The following CCDC88A variants were observed in gnomAD, a reference collection of about 807,000 sequenced individuals.
CCDC88A encodes the protein coiled-coil and HOOK domain protein 88A.
In CCDC88A, 54 loss-of-function variants were observed where a neutral mutation model predicts 234.3. That is an observed-to-expected ratio of 0.23 (90% confidence interval 0.19 to 0.29). The LOEUF (loss-of-function observed/expected upper bound fraction) is 0.29. CCDC88A is among the 10% of genes least tolerant of loss of function. The pLI is 1.00. For missense variants in CCDC88A, 1,832 were observed against 2,123.4 expected (o/e 0.86, Z 2.70); for synonymous variants, 753 against 737.8 (o/e 1.02, Z -0.33).
chr2:55,308,780 TA>T lies in CCDC88A; in HGVS notation c.4387+28del, dbSNP rs754525184. 2.6e-6 allele frequency: 4 copies of T among 1,531,244 alleles called. No homozygotes were observed. The African/African-American group carries it at 5.5e-5, about 21-fold the overall frequency. 94.9% of individuals were successfully genotyped at this position (1,531,244 alleles called of 1,614,324 possible). ...ATCTTTAGAAAGGATTCTAAATCAATACGATGTTTAAAGAGTTTAAGCACTC... is the reference window on the plus strand; with the variant it reads ...ATCTTTAGAAAGGATTCTAAATCAATCGATGTTTAAAGAGTTTAAGCACTC... On this transcript the variant is annotated intron_variant, in intron 25 of 32. Coordinates refer to ENST00000436346, the MANE Select transcript of CCDC88A (RefSeq NM_001365480.1).
At chr2:55,353,857 A>G (rs1191275597) in intron 8 of CCDC88A, among the ~76,000 whole-genome samples, 1 of 152,224 alleles carries the variant, frequency 6.6e-6, no homozygotes, top group Non-Finnish European at 1.5e-5. Flanking sequence ...ATCTGAATGC[A>G]GTCATGCATT....
rs954920768 is a variant in CCDC88A at position 55,288,854 on chromosome 2, G to C, written c.*2346C>G. ...TTTCCAGTTGGCTTTATTATTGTTT[G>C]GCAGAAGTTGTTTAGGGGAGAAGAG... is the stretch of plus-strand genomic sequence containing the variant. On this transcript the variant is annotated 3_prime_UTR_variant, in exon 33 of 33. Transcript: ENST00000436346. 2 of 152,144 alleles carry C rather than the reference G, an allele frequency of 1.3e-5. No individual in the cohort carries two copies. Among genetic ancestry groups the C allele is most frequent in the African/African-American group, 4.8e-5 (2 of 41,436 alleles). 9.4% of individuals were successfully genotyped at this position (152,144 alleles called of 1,614,324 possible). A position where few individuals can be genotyped will look rare whatever the true frequency, so the allele number is the denominator to read the frequency against.
At chr2:55,351,375 T>C (rs1378503092) in intron 8 of CCDC88A, among the ~76,000 whole-genome samples, 1 of 151,752 alleles carries the variant, frequency 6.6e-6, no homozygotes, top group Non-Finnish European at 1.5e-5. Context: ...TGAGACAGAG[T>C]CTGACTCTGT....
intron 3 of CCDC88A, among the ~76,000 whole-genome samples, chr2:55,377,910 A>G (rs1375260757): frequency 6.6e-6 from 1 of 152,146 alleles, no homozygotes; most frequent in Non-Finnish European, 1.5e-5. Context: ...CGGGCCGGGA[A>G]GCTTTAAATT....
intron 3 of CCDC88A, among the ~76,000 whole-genome samples, chr2:55,377,283 G>A (rs1180674467): frequency 7.0e-6 from 1 of 142,004 alleles, no homozygotes; most frequent in Non-Finnish European, 1.5e-5. Flanking sequence ...TTGCAGCCTC[G>A]ATCTCCCAGG....
chr2:55,322,402 G>C, intron 18 of CCDC88A, 126 bp downstream of exon 18: 2 of 609,144 alleles, frequency 3.3e-6, no homozygotes, highest in Non-Finnish European at 5.6e-6. Flanking sequence ...AGGACTATAT[G>C]ACTAGAATTT....
At chr2:55,354,163 C>CA (rs1670259441) in intron 8 of CCDC88A, among the ~76,000 whole-genome samples, 3 of 147,024 alleles carry the variant, frequency 2.0e-5, no homozygotes, top group African/African-American at 7.6e-5. Flanking sequence ...TTTTTTGAGA[C>CA]AGAGTCTCGC....
intron 2 of CCDC88A, among the ~76,000 whole-genome samples, chr2:55,402,804 T>G (rs1678934676): frequency 6.6e-6 from 1 of 150,660 alleles, no homozygotes; most frequent in Admixed American, 6.6e-5. Context: ...GGTCAAGAGA[T>G]CGAGACCATC....
At chr2:55,349,464 A>C in intron 9 of CCDC88A, 54 bp downstream of exon 9, 1 of 1,265,666 alleles carries the variant, frequency 7.9e-7, no homozygotes, top group Non-Finnish European at 1.1e-6. Context: ...CAAGGAAGAA[A>C]ATCAATTTCC....
Position 55,315,982 on chromosome 2 carries a change from CT to C in CCDC88A, c.3878del (p.Lys1293ArgfsTer14). ...TAATATCCAATTGTTGGTATTGTTCCTTTAGTTTTGAAAATTCAGCTTCTAA... is the reference window on the plus strand; with the variant it reads ...TAATATCCAATTGTTGGTATTGTTCCTTAGTTTTGAAAATTCAGCTTCTAA... ...TRLEAEFSKLKEQYQQLDITS... is the reference protein window; with the variant it reads ...TRLEAEFSKLXEQYQQLDITS... On this transcript the variant is annotated frameshift_variant, in exon 22 of 33. Coordinates refer to ENST00000436346, the MANE Select transcript of CCDC88A (RefSeq NM_001365480.1). LOFTEE classifies it high-confidence loss of function. 1 of 1,588,002 alleles carries C rather than the reference CT, an allele frequency of 6.3e-7. No homozygotes were observed. Among genetic ancestry groups the C allele is most frequent in the Non-Finnish European group, 8.6e-7 (1 of 1,168,698 alleles).
rs567332705 is a variant in CCDC88A, at chr2:55,392,400, C to A, written c.165-3514G>T. Among the ~76,000 whole-genome samples, 45 of 152,296 alleles carry A rather than the reference C, an allele frequency of 3.0e-4. No homozygotes were observed. In the South Asian group the frequency reaches 6.0e-3, roughly 20 times the overall value. On this transcript the variant is annotated intron_variant, in intron 2 of 32. Coordinates refer to ENST00000436346, the MANE Select transcript of CCDC88A (RefSeq NM_001365480.1). ...TTAAGATTTTGACTGAAATTGCACT[C>A]AATCTACAAATTTATTAAGAATAAA...
chr2:55,303,090 C>T lies in CCDC88A; in HGVS notation c.4450G>A (p.Ala1484Thr). Reference sequence around the variant, plus strand: ...TTACACATGGAACGACGGTAGCAGGCCTTCATTTTGTCTTTATCCTTCGGT... The same window carrying T: ...TTACACATGGAACGACGGTAGCAGGTCTTCATTTTGTCTTTATCCTTCGGT... ...NRPKDKDKMK[A>T]CYRRSMSMND... Residue 1484 changes from alanine (A) to threonine (T), a missense_variant, in exon 26 of 33, where the codon GCC becomes ACC. Coordinates refer to ENST00000436346, the MANE Select transcript of CCDC88A (RefSeq NM_001365480.1). 1 of 1,550,948 alleles carries T rather than the reference C, an allele frequency of 6.4e-7. No homozygotes were observed. The highest frequency in any genetic ancestry group is 8.7e-7 in the Non-Finnish European group (1 of 1,146,160).
intron 2 of CCDC88A, 137 bp from the exon 3 acceptor site, chr2:55,389,023 G>A (rs1230063174): frequency 1.0e-5 from 3 of 288,236 alleles, no homozygotes; most frequent in Non-Finnish European, 1.9e-5. Flanking sequence ...TGGTCCAAAA[G>A]GGCAGATTAT....
chr2:55,401,082 T>C (rs1310382254), intron 2 of CCDC88A, among the ~76,000 whole-genome samples: 1 of 152,056 alleles, frequency 6.6e-6, no homozygotes, highest in Non-Finnish European at 1.5e-5. Flanking sequence ...TTAATGGCTT[T>C]TTTATTTTGC....
intron 10 of CCDC88A, 43 bp downstream of exon 10, chr2:55,346,132 A>C (rs1341811933): frequency 6.9e-7 from 1 of 1,445,744 alleles, no homozygotes; most frequent in Non-Finnish European, 9.4e-7. Context: ...TTAAAATTCT[A>C]ACACAGAAAA....
At chr2:55,321,736 T>G (rs1187912899) in intron 18 of CCDC88A, among the ~76,000 whole-genome samples, 2 of 152,116 alleles carry the variant, frequency 1.3e-5, no homozygotes, top group Non-Finnish European at 2.9e-5. Flanking sequence ...TATAGCATGA[T>G]CCCACAGGTA....
chr2:55,342,811 C>G (rs188070680), intron 12 of CCDC88A, among the ~76,000 whole-genome samples: 2 of 152,078 alleles, frequency 1.3e-5, no homozygotes, highest in Non-Finnish European at 2.9e-5. Context: ...TTTATGTCTA[C>G]GTCAACATTA....
At chr2:55,405,930 C>T (rs1679479587) in intron 2 of CCDC88A, 2 of 152,120 alleles carry the variant, frequency 1.3e-5, no homozygotes, top group South Asian at 2.1e-4. Context: ...GAGGCTGAGG[C>T]GGTTGGATCA....
intron 19 of CCDC88A, 72 bp downstream of exon 19, chr2:55,318,771 G>A (rs1247964698): frequency 8.3e-7 from 1 of 1,206,546 alleles, no homozygotes; most frequent in Non-Finnish European, 1.1e-6. Context: ...ATGTTTCCAT[G>A]TTTACCCTCC....
Sources: allele counts gnomAD v4.1 joint callset (sites outside exome capture counted in the v4.1 genomes callset), GRCh38; gene constraint gnomAD v4.1.1; transcripts MANE v1.5; gene names NCBI Gene and HGNC (gene_info 2026-07-23, HGNC 2026-07-21).